CD109: variants seen among roughly 807,000 people sequenced by gnomAD.
CD109 encodes the protein CD109 antigen.
Under a neutral mutation model 165.8 loss-of-function variants are expected in CD109, and 149 were observed. The observed-to-expected ratio is 0.90, with a 90% CI of 0.79 to 1.03. The LOEUF (loss-of-function observed/expected upper bound fraction) is 1.03, where lower values mean the gene tolerates loss of function less well. Ranked by LOEUF, CD109 falls within the 50% of genes least tolerant of loss-of-function variation. The probability of loss-of-function intolerance (pLI) is 0.00; values close to 1 mark genes in which losing one functional copy is unlikely to be tolerated. For synonymous variants in CD109, 585 were observed against 592.1 expected, an observed-to-expected ratio of 0.99 and a Z score of 0.18; for missense variants, 1,712 against 1,677.8, an observed-to-expected ratio of 1.02 and a Z score of -0.36.
intron 9 of CD109, among the ~76,000 whole-genome samples, 167 bp downstream of exon 9, chr6:73,763,049 A>AT (rs566524005): frequency 6.4e-4 from 97 of 152,342 alleles, no homozygotes; most frequent in African/African-American, 2.1e-3. Flanking sequence ...TGATTTTATA[A>AT]GGGGGACCTT....
At chr6:73,710,670 A>G (rs1771496822) in intron 2 of CD109, among the ~76,000 whole-genome samples, 1 of 152,162 alleles carries the variant, frequency 6.6e-6, no homozygotes, top group Admixed American at 6.5e-5. Context: ...AGCCTGTGGC[A>G]TGAGTCCAAG....
chr6:73,697,594 C>G (rs1770898580), intron 2 of CD109, 22 bp downstream of exon 2: 1 of 1,601,296 alleles, frequency 6.2e-7, no homozygotes, highest in African/African-American at 1.3e-5. Flanking sequence ...AGCATAAAGT[C>G]TTACCCTTCT....
intron 7 of CD109, among the ~76,000 whole-genome samples, chr6:73,760,217 C>T (rs1412720507): frequency 6.6e-6 from 1 of 151,428 alleles, no homozygotes; most frequent in Non-Finnish European, 1.5e-5. Flanking sequence ...ACCATCTTGG[C>T]TAACACGGTG....
At chr6:73,697,669 T>G in intron 2 of CD109, 97 bp downstream of exon 2, 1 of 1,011,402 alleles carries the variant, frequency 9.9e-7, no homozygotes, top group Admixed American at 2.5e-5. Context: ...AAACCCCAAA[T>G]TTGCAGTATC....
Position 73,730,639 on chromosome 6 carries a change from C to T in CD109, c.507+65C>T, listed in dbSNP as rs984646721. On this transcript the variant is annotated intron_variant, in intron 4 of 32. Transcript: ENST00000287097. The stretch of plus-strand genomic sequence containing the variant: ...TCTTACTAAACCCCTCTGGGAAGTT[C>T]TGCTTGTGTTACTGACACTGGAATA... 1.6e-5 allele frequency: 16 copies of T among 1,015,316 alleles called. No homozygotes were observed. In the African/African-American group the frequency reaches 2.4e-4, roughly 15 times the overall value. 62.9% of individuals were successfully genotyped at this position (1,015,316 alleles called of 1,614,324 possible).
intron 5 of CD109, among the ~76,000 whole-genome samples, chr6:73,751,203 A>G (rs960408873): frequency 5.3e-5 from 8 of 152,232 alleles, no homozygotes; most frequent in South Asian, 2.1e-4. Flanking sequence ...ATATGGTTCA[A>G]TGTAATACTG....
intron 14 of CD109, among the ~76,000 whole-genome samples, chr6:73,770,616 T>G (rs1774001981): frequency 6.6e-6 from 1 of 151,892 alleles, no homozygotes; most frequent in African/African-American, 2.4e-5. Context: ...GGCATGGTGG[T>G]GGGCGCCTGT....
In CD109 at chr6:73,785,451, T is replaced by C. The variant is rs1219494514; in HGVS notation, c.2311T>C (p.Phe771Leu). ...GEEFALEITI[F>L]NYLKDATEVK... ...AGAATTTGCTTTGGAAATAACTATATTCAATTATTTGAAAGATGCCACTGA... is the reference window on the plus strand; with the variant it reads ...AGAATTTGCTTTGGAAATAACTATACTCAATTATTTGAAAGATGCCACTGA... Residue 771 changes from phenylalanine (F) to leucine (L), a missense_variant, in exon 20 of 33, where the codon TTC (phenylalanine) becomes CTC (leucine). Transcript: ENST00000287097. 1 of 1,587,492 alleles carries C rather than the reference T, an allele frequency of 6.3e-7. No homozygotes were observed. The highest frequency in any genetic ancestry group is 1.7e-5 in the Admixed American group (1 of 58,006).
intron 4 of CD109, among the ~76,000 whole-genome samples, chr6:73,734,563 G>T (rs914017900): frequency 5.3e-5 from 8 of 152,170 alleles, no homozygotes; most frequent in Non-Finnish European, 1.2e-4. Context: ...GGCACAGTAG[G>T]GCCAACTGCC....
chr6:73,817,336 A>T (rs58777821), intron 30 of CD109, among the ~76,000 whole-genome samples: 3,602 of 152,018 alleles, frequency 0.024, 160 homozygotes, highest in African/African-American at 0.082. Context: ...TCTCATCTAT[A>T]TTTTTTTCTC....
chr6:73,750,365 C>G lies in CD109; in HGVS notation c.634-6278C>G, dbSNP rs145964940. Among the ~76,000 whole-genome samples, 41 of 152,258 alleles carry G rather than the reference C, an allele frequency of 2.7e-4. No homozygotes were observed. The East Asian group carries it at 6.9e-3, about 26-fold the overall frequency. On this transcript the variant is annotated intron_variant, in intron 5 of 32. Coordinates refer to ENST00000287097, the MANE Select transcript of CD109 (RefSeq NM_133493.5). ...GCCATCCAAAGCAATAGAGAAAGAA[C>G]AGCCAGTTTTGGGAAGAGAAAAGCA...
intron 22 of CD109, among the ~76,000 whole-genome samples, chr6:73,792,136 T>G (rs1774992440): frequency 6.6e-6 from 1 of 152,196 alleles, no homozygotes; most frequent in Non-Finnish European, 1.5e-5. Flanking sequence ...TTGAAATACT[T>G]ATATTTGTTG....
rs968299658 is a variant in CD109, at chr6:73,744,873, G to A, written c.633+8365G>A. On this transcript the variant is annotated intron_variant, in intron 5 of 32. Transcript: ENST00000287097. The stretch of plus-strand genomic sequence containing the variant: ...TGTTCATCAATGAAATGGAGGGTCT[G>A]AGTATGTAGCATCATCAGTACATAG... Among the ~76,000 whole-genome samples the A allele has an allele frequency of 2.0e-5, 3 of 152,296 alleles. No individual in the cohort carries two copies. In the East Asian group the frequency reaches 5.8e-4, roughly 29 times the overall value.
At position 73,766,031 on chromosome 6, in the gene CD109, C is replaced by T. The variant is rs1291350697; in HGVS notation, c.1209C>T (p.Ser403=). ...AGAGAAACTATACTGAGTACTGGAG[C>T]GGATCTAACAGTGGAAATCAGAAAA... ...VTQRNYTEYW[S]GSNSGNQKME... Residue 403 remains serine, a synonymous_variant, in exon 11 of 33, where the codon AGC becomes AGT. Transcript: ENST00000287097. 36 of 1,613,270 alleles carry T rather than the reference C, an allele frequency of 2.2e-5. No homozygotes were observed. The highest frequency in any genetic ancestry group is 5.3e-5 in the African/African-American group (4 of 74,880).
rs900236885 is a variant in CD109, at chr6:73,806,067, G to A, written c.2961-777G>A. ...GCTATAAAGACACATGCACACGTAT[G>A]TTTATTGCGGCACTATTCACAATAG... On this transcript the variant is annotated intron_variant, in intron 24 of 32. Transcript: ENST00000287097. 5.6e-4 allele frequency among the ~76,000 whole-genome samples: 85 copies of A among 152,316 alleles called. 1 individual carries two copies. The highest frequency in any genetic ancestry group is 2.0e-3 in the African/African-American group (82 of 41,562).
At chr6:73,728,875 TAATA>T (rs1463286136) in intron 3 of CD109, among the ~76,000 whole-genome samples, 1 of 152,246 alleles carries the variant, frequency 6.6e-6, no homozygotes, top group Non-Finnish European at 1.5e-5. Flanking sequence ...CTTCAAACAA[TAATA>T]AATTAAACTT....
intron 2 of CD109, among the ~76,000 whole-genome samples, chr6:73,711,380 A>T (rs1015557805): frequency 1.3e-5 from 2 of 152,150 alleles, no homozygotes; most frequent in African/African-American, 4.8e-5. Flanking sequence ...TAAAAGGAGT[A>T]TGTAAGGGAC....
At chr6:73,793,760 T>C (rs1325181082) in intron 23 of CD109, among the ~76,000 whole-genome samples, 2 of 152,236 alleles carry the variant, frequency 1.3e-5, no homozygotes, top group Non-Finnish European at 2.9e-5. Flanking sequence ...AGTGGACCTC[T>C]AGCACAAACT....
intron 23 of CD109, among the ~76,000 whole-genome samples, chr6:73,802,289 G>GTGTATATATATATA (rs71542231): frequency 1.5e-4 from 12 of 78,208 alleles, no homozygotes; most frequent in African/African-American, 7.2e-4. Flanking sequence ...GTGTGTGTGT[G>GTGTATATATATATA]TATATATATA....
Sources: allele counts gnomAD v4.1 joint callset (sites outside exome capture counted in the v4.1 genomes callset), GRCh38; gene constraint gnomAD v4.1.1; transcripts MANE v1.5; gene names NCBI Gene and HGNC (gene_info 2026-07-23, HGNC 2026-07-21).